The following JAKMIP3 variants were observed in gnomAD, a reference collection of about 807,000 sequenced individuals.
The protein encoded by JAKMIP3 is janus kinase and microtubule-interacting protein 3.
In JAKMIP3, 58 loss-of-function variants were observed where a neutral mutation model predicts 118.5. The observed-to-expected ratio is 0.49, with a 90% CI of 0.40 to 0.61. The LOEUF is 0.61. JAKMIP3 is among the 20% of genes least tolerant of loss of function. The pLI is 0.00. For missense variants in JAKMIP3, 950 were observed against 1,109.0 expected, an observed-to-expected ratio of 0.86 and a Z score of 2.04; for synonymous variants, 486 against 451.2, an observed-to-expected ratio of 1.08 and a Z score of -0.98.
chr10:132,061,113 A>C (rs1488846362), upstream of JAKMIP3, among the ~76,000 whole-genome samples: 8 of 152,250 alleles, frequency 5.3e-5, no homozygotes, highest in Non-Finnish European at 2.9e-5. Flanking sequence ...ATATGAAGTG[A>C]GTAACAGTCC....
At chr10:132,066,586 G>A (rs74161717) in intron 1 of JAKMIP3, among the ~76,000 whole-genome samples, 1 of 152,028 alleles carries the variant, frequency 6.6e-6, no homozygotes, top group African/African-American at 2.4e-5. Context: ...TTTATGGCTT[G>A]AGGCCTCACC....
At chr10:132,121,643 G>A (rs924122691) in intron 3 of JAKMIP3, among the ~76,000 whole-genome samples, 1 of 152,168 alleles carries the variant, frequency 6.6e-6, no homozygotes, top group Non-Finnish European at 1.5e-5. Flanking sequence ...GCACATTGCC[G>A]TGGCCCTGGG....
intron 23 of JAKMIP3, among the ~76,000 whole-genome samples, chr10:132,174,529 C>T (rs2059973015): frequency 1.3e-5 from 2 of 152,068 alleles, no homozygotes; most frequent in African/African-American, 2.4e-5. Context: ...TGTTGAAGGA[C>T]GTCAGGGTGG....
upstream of JAKMIP3, among the ~76,000 whole-genome samples, chr10:132,061,226 TACACCTGCCGTGACGGC>T (rs2038385630): frequency 1.1e-4 from 2 of 18,432 alleles, no homozygotes; most frequent in African/African-American, 4.2e-4. Context: ...GGCGCACACA[TACACCTGCCGTGACGGC>T]GCACACACAC....
intron 19 of JAKMIP3, among the ~76,000 whole-genome samples, chr10:132,160,134 G>GGGGGGTCTCTTCCTGTGTGATGCTA (rs1180482130): frequency 2.0e-3 from 92 of 47,178 alleles, no homozygotes; most frequent in Non-Finnish European, 3.5e-3. Context: ...GTGATGCTGG[G>GGGGGGTCTCTTCCTGTGTGATGCTA]GGGGGTCTCT....
Position 132,145,513 on chromosome 10 carries a change from G to A in JAKMIP3, c.1687-5G>A. ...GTCTTTATTTCTTTCAATTCCATTT[G>A]CAAGGATATGAAGTGGATTGAAGAG... On this transcript the variant is annotated splice_region_variant and splice_polypyrimidine_tract_variant and intron_variant, in intron 12 of 23. Transcript: ENST00000684848. 6.4e-7 allele frequency: 1 copy of A among 1,555,926 alleles called. No homozygotes were observed. The highest frequency in any genetic ancestry group is 2.4e-5 in the East Asian group (1 of 41,438).
At position 132,117,606 on chromosome 10, in the gene JAKMIP3, AG is replaced by A; in HGVS notation, c.633+35del. ...GGGCAGGCAGGGGCGGGCGTGGGCG[AG>A]GGTGCAGGGGCGGGCGTGGGCGAGG... On this transcript the variant is annotated intron_variant, in intron 3 of 23. Transcript: ENST00000684848. The surrounding 1 kb of genome is among the most constrained non-coding windows in gnomAD (Gnocchi z 8.6). 2 of 423,888 alleles carry A rather than the reference AG, an allele frequency of 4.7e-6. No homozygotes were observed. The highest frequency in any genetic ancestry group is 3.2e-5 in the South Asian group (1 of 31,682). The allele number at this position is 423,888 out of a possible 1,614,324, so 26.3% of individuals were successfully genotyped here. A position where few individuals can be genotyped will look rare whatever the true frequency, so the allele number is the denominator to read the frequency against.
At chr10:132,166,919 G>T in intron 21 of JAKMIP3, 64 bp from the exon 22 acceptor site, 1 of 1,148,808 alleles carries the variant, frequency 8.7e-7, no homozygotes, top group Non-Finnish European at 1.3e-6. Context: ...CTTGCCAGAA[G>T]CACTACAAAC....
chr10:132,090,553 G>A (rs2042970495), intron 1 of JAKMIP3, among the ~76,000 whole-genome samples: 1 of 152,130 alleles, frequency 6.6e-6, no homozygotes, highest in African/African-American at 2.4e-5. Flanking sequence ...GATCAGTGGT[G>A]ATAACCCCTT....
chr10:132,054,834 C>T (rs1564852690), intron 1 of JAKMIP3, among the ~76,000 whole-genome samples: 1 of 152,154 alleles, frequency 6.6e-6, no homozygotes, highest in Non-Finnish European at 1.5e-5. Flanking sequence ...TGAGCCAGCC[C>T]TGGCCCTGAG....
rs765266821 is a variant in JAKMIP3 at position 132,117,616 on chromosome 10, GGCGGGC to G, written c.633+44_633+49del. On this transcript the variant is annotated intron_variant, in intron 3 of 23. Coordinates refer to ENST00000684848, the MANE Select transcript of JAKMIP3 (RefSeq NM_001323087.2). The surrounding 1 kb of genome is among the most constrained non-coding windows in gnomAD (Gnocchi z 8.6). ...GGGCGGGCGTGGGCGAGGGTGCAGG[GGCGGGC>G]GTGGGCGAGGGTGCAGGGGCGGGCG... 36 of 1,081,196 alleles carry G rather than the reference GGCGGGC, an allele frequency of 3.3e-5. 1 individual carries two copies. Among genetic ancestry groups the G allele is most frequent in the African/African-American group, 7.5e-5 (5 of 66,580 alleles). 67.0% of individuals were successfully genotyped at this position (1,081,196 alleles called of 1,614,324 possible).
intron 1 of JAKMIP3, among the ~76,000 whole-genome samples, chr10:132,077,323 C>T (rs2040986369): frequency 6.6e-6 from 1 of 152,102 alleles, no homozygotes. Context: ...CACCTGGGGC[C>T]ACTTCCCGTC....
chr10:132,150,728 CTATCCGTCCTCCATAATCCATG>C (rs879263931), intron 16 of JAKMIP3, among the ~76,000 whole-genome samples: 18 of 149,774 alleles, frequency 1.2e-4, no homozygotes, highest in Admixed American at 5.3e-4. Flanking sequence ...CATAATCCAT[CTATCCGTCCTCCATAATCCATG>C]TATCCGTCCT....
intron 7 of JAKMIP3, 48 bp downstream of exon 7, chr10:132,137,198 G>T (rs750373773): frequency 1.9e-5 from 30 of 1,613,788 alleles, no homozygotes; most frequent in South Asian, 1.6e-4. Flanking sequence ...GCTCCCAAGG[G>T]GCTTGGCTAA....
At chr10:132,170,345 C>CACCTCCCCGCCATACGA (rs964995602) in intron 23 of JAKMIP3, 1 of 152,286 alleles carries the variant, frequency 6.6e-6, no homozygotes, top group African/African-American at 2.4e-5. Context: ...TGGACATACG[C>CACCTCCCCGCCATACGA]ACCTCCCCGC....
At chr10:132,142,178 A>G (rs1404367442) in intron 11 of JAKMIP3, 130 bp downstream of exon 11, 4 of 990,186 alleles carry the variant, frequency 4.0e-6, no homozygotes, top group African/African-American at 3.3e-5. Context: ...CCTTGCCTGC[A>G]GTCCTGGTGG....
chr10:132,086,477 T>C (rs192124500), intron 1 of JAKMIP3, among the ~76,000 whole-genome samples: 2 of 152,216 alleles, frequency 1.3e-5, no homozygotes, highest in Non-Finnish European at 1.5e-5. Flanking sequence ...CCCACTATTA[T>C]TGTGTTGCTG....
intron 2 of JAKMIP3, 35 bp downstream of exon 2, chr10:132,104,978 C>T: frequency 6.4e-7 from 1 of 1,563,230 alleles, no homozygotes; most frequent in Non-Finnish European, 8.7e-7. Context: ...CTTGAATGTC[C>T]CTCCCTCCTG....
chr10:132,038,974 A>C (rs1392404125), intron 1 of JAKMIP3, among the ~76,000 whole-genome samples: 1 of 152,080 alleles, frequency 6.6e-6, no homozygotes, highest in African/African-American at 2.4e-5. Context: ...GGTGGAGGCC[A>C]CACCCTTCAC....
Sources: allele counts gnomAD v4.1 joint callset (sites outside exome capture counted in the v4.1 genomes callset), GRCh38; gene constraint gnomAD v4.1.1; non-coding constraint Gnocchi (gnomAD v3.1); transcripts MANE v1.5; gene names NCBI Gene and HGNC (gene_info 2026-07-23, HGNC 2026-07-21).